DMXL1: variants seen among roughly 807,000 people sequenced by gnomAD.
DMXL1 encodes Dmx like 1.
DMXL1 carries 99 observed loss-of-function variants against 319.2 expected under a neutral mutation model. The ratio of observed to expected loss-of-function variants is 0.31; its 90% confidence interval spans 0.26 to 0.37. The LOEUF (loss-of-function observed/expected upper bound fraction) is 0.37, where lower values mean the gene tolerates loss of function less well. Ranked by LOEUF, DMXL1 falls within the 10% of genes least tolerant of loss-of-function variation. DMXL1 has a pLI of 1.00. For missense variants in DMXL1, 3,745 were observed against 3,595.6 expected (o/e 1.04, Z -1.06); for synonymous variants, 1,385 against 1,235.2 (o/e 1.12, Z -2.54).
intron 7 of DMXL1, among the ~76,000 whole-genome samples, chr5:119,117,227 G>C (rs972165776): frequency 2.6e-5 from 4 of 152,098 alleles, no homozygotes; most frequent in Non-Finnish European, 4.4e-5. Context: ...TTTTTGTAGA[G>C]ATGGGGTTTT....
chr5:119,244,839 T>A (rs1199861693), intron 43 of DMXL1, among the ~76,000 whole-genome samples: 1 of 152,202 alleles, frequency 6.6e-6, no homozygotes, highest in African/African-American at 2.4e-5. Flanking sequence ...GATATTAGAA[T>A]TTGTCTTGAC....
intron 5 of DMXL1, among the ~76,000 whole-genome samples, chr5:119,113,613 A>G (rs1428287066): frequency 6.6e-6 from 1 of 152,152 alleles, no homozygotes; most frequent in African/African-American, 2.4e-5. Flanking sequence ...CTTTTCCTGC[A>G]GAAAGTAGAG....
At chr5:119,110,683 T>G (rs2149849020) in intron 5 of DMXL1, among the ~76,000 whole-genome samples, 1 of 152,302 alleles carries the variant, frequency 6.6e-6, no homozygotes, top group South Asian at 2.1e-4. Context: ...AGTTCTAAAC[T>G]CTACTTAAAA....
At chr5:119,100,000 C>G (rs868569177) in intron 2 of DMXL1, among the ~76,000 whole-genome samples, 2 of 152,108 alleles carry the variant, frequency 1.3e-5, no homozygotes, top group Admixed American at 6.5e-5. Flanking sequence ...GACCCCATCT[C>G]TACAAAGAAA....
intron 9 of DMXL1, among the ~76,000 whole-genome samples, chr5:119,124,526 A>G (rs1763053261): frequency 6.6e-6 from 1 of 150,578 alleles, no homozygotes; most frequent in Non-Finnish European, 1.5e-5. Context: ...ATATTAAGAT[A>G]CATATGTTAC....
chr5:119,126,074 A>G (rs1047251439), intron 9 of DMXL1, among the ~76,000 whole-genome samples: 1 of 152,140 alleles, frequency 6.6e-6, no homozygotes, highest in Non-Finnish European at 1.5e-5. Flanking sequence ...TGGTGAAGTC[A>G]GGAATTTGAA....
chr5:119,166,900 T>G (rs982863806), intron 22 of DMXL1, 119 bp downstream of exon 22: 7 of 710,554 alleles, frequency 9.9e-6, no homozygotes, highest in African/African-American at 1.8e-5. Flanking sequence ...GCCAAATATC[T>G]GAAATAACTG....
In DMXL1 at chr5:119,247,943, G is replaced by A. The variant is rs1440678905; in HGVS notation, c.*724G>A. ...AGAATAACTTTTTTTTTGCAACTGT[G>A]CTTTTCATTTTTAAAAAATTTTTGA... On this transcript the variant is annotated 3_prime_UTR_variant, in exon 44 of 44. Coordinates refer to ENST00000539542, the MANE Select transcript of DMXL1 (RefSeq NM_001290321.3). The A allele has an allele frequency of 6.6e-6, 1 of 151,662 alleles. No individual in the cohort carries two copies. The highest frequency in any genetic ancestry group is 2.4e-5 in the African/African-American group (1 of 41,258). 9.4% of individuals were successfully genotyped at this position (151,662 alleles called of 1,614,324 possible).
rs774079754 is a variant in DMXL1 at position 119,150,239 on chromosome 5, T to C, written c.4412T>C (p.Ile1471Thr). ...TDEENTKPRV[I>T]DLSQYSPTYF... ...GAAGAAAATACAAAGCCTAGAGTTA[T>C]TGACCTTTCACAGTACAGTCCGACT... Residue 1471 changes from isoleucine (I) to threonine (T), a missense_variant, in exon 18 of 44, where the codon ATT becomes ACT. Ile to Thr is a moderately conservative substitution (Grantham distance 89). Transcript: ENST00000539542. The C allele has an allele frequency of 2.4e-5, 38 of 1,613,768 alleles. No individual in the cohort carries two copies. In the Admixed American group the frequency reaches 3.3e-4, roughly 14 times the overall value.
chr5:119,076,474 A>G (rs893773825), intron 1 of DMXL1, among the ~76,000 whole-genome samples: 1 of 152,154 alleles, frequency 6.6e-6, no homozygotes, highest in East Asian at 1.9e-4. Context: ...GATTGCTACT[A>G]TTCACATGTG....
chr5:119,152,128 T>G (rs1164484265), intron 19 of DMXL1, 92 bp downstream of exon 19: 5 of 759,704 alleles, frequency 6.6e-6, no homozygotes, highest in Non-Finnish European at 1.1e-5. Context: ...CCAAAAATGA[T>G]AATGATGACA....
chr5:119,184,850 T>C (rs996880429), intron 28 of DMXL1, among the ~76,000 whole-genome samples: 1 of 152,166 alleles, frequency 6.6e-6, no homozygotes, highest in Non-Finnish European at 1.5e-5. Context: ...GTGTGTATAC[T>C]CCATTCACAT....
intron 31 of DMXL1, among the ~76,000 whole-genome samples, chr5:119,196,716 A>T (rs892784199): frequency 6.6e-6 from 1 of 152,128 alleles, no homozygotes; most frequent in Non-Finnish European, 1.5e-5. Context: ...TTTATACTCT[A>T]GCCAAGTGTT....
chr5:119,169,016 C>G (rs1035894434), intron 23 of DMXL1, among the ~76,000 whole-genome samples: 1 of 152,142 alleles, frequency 6.6e-6, no homozygotes, highest in African/African-American at 2.4e-5. Flanking sequence ...ATCTTCCCAC[C>G]CCAGCGTCCT....
intron 39 of DMXL1, among the ~76,000 whole-genome samples, chr5:119,235,834 C>T (rs1340394368): frequency 2.0e-5 from 3 of 151,980 alleles, no homozygotes; most frequent in Admixed American, 6.6e-5. Context: ...GGAACTGAGT[C>T]GATGTGCATC....
chr5:119,140,185 A>G lies in DMXL1; in HGVS notation c.2377-3656A>G, dbSNP rs529295754. Among the ~76,000 whole-genome samples, 19 of 152,240 alleles carry G rather than the reference A, an allele frequency of 1.2e-4. No homozygotes were observed. The South Asian group carries it at 3.9e-3, about 32-fold the overall frequency. Reference sequence around the variant, plus strand: ...CAAAAAGTCAGAAAGATCTCAAACTAATAACCTAACATCACTACTGAAAGA... The same window carrying G: ...CAAAAAGTCAGAAAGATCTCAAACTGATAACCTAACATCACTACTGAAAGA... On this transcript the variant is annotated intron_variant, in intron 13 of 43. Coordinates refer to ENST00000539542, the MANE Select transcript of DMXL1 (RefSeq NM_001290321.3).
At chr5:119,189,636 C>G (rs1359501311) in intron 28 of DMXL1, 72 bp from the exon 29 acceptor site, 11 of 1,417,672 alleles carry the variant, frequency 7.8e-6, no homozygotes, top group African/African-American at 1.4e-5. Flanking sequence ...AACCTTAGCT[C>G]TTATGTAAAC....
intron 38 of DMXL1, 111 bp from the exon 39 acceptor site, chr5:119,233,229 A>G (rs184520025): frequency 2.0e-5 from 22 of 1,089,286 alleles, no homozygotes; most frequent in Middle Eastern, 2.3e-4. Flanking sequence ...GTAAATTTAT[A>G]TAAGTTGATT....
chr5:119,076,086 A>T lies in DMXL1; in HGVS notation c.87+4430A>T, dbSNP rs565587068. On this transcript the variant is annotated intron_variant, in intron 1 of 43. Transcript: ENST00000539542. ...GAGATAATTTCCAAGAGACAGAAAG[A>T]TTGTACCAATATATAAGACTAACTG... Among the ~76,000 whole-genome samples the T allele has an allele frequency of 2.6e-5, 4 of 152,296 alleles. No homozygotes were observed. In the East Asian group the frequency reaches 7.7e-4, roughly 29 times the overall value.
Sources: gnomAD v4.1 joint callset for allele counts (sites outside exome capture counted in the v4.1 genomes callset) on GRCh38, gnomAD v4.1.1 for gene constraint, MANE v1.5 for transcripts, NCBI Gene and HGNC (gene_info 2026-07-23, HGNC 2026-07-21) for gene names.